Variants in MYO6 observed in about 807,000 individuals in gnomAD.
The protein encoded by MYO6 is unconventional myosin-VI.
MYO6 carries 74 observed loss-of-function variants against 178.7 expected under a neutral mutation model. The observed-to-expected ratio is 0.41, with a 90% CI of 0.34 to 0.50. The LOEUF (loss-of-function observed/expected upper bound fraction) is 0.50. Ranked by LOEUF, MYO6 falls within the 20% of genes least tolerant of loss-of-function variation. MYO6 has a pLI of 0.09. For synonymous variants in MYO6, 477 were observed against 504.6 expected (o/e 0.95, Z 0.73); for missense variants, 1,330 against 1,547.4 (o/e 0.86, Z 2.36).
chr6:75,850,535 A>C (rs1775166647), intron 11 of MYO6, among the ~76,000 whole-genome samples: 1 of 152,210 alleles, frequency 6.6e-6, no homozygotes, highest in African/African-American at 2.4e-5. Flanking sequence ...GAAATTTGTC[A>C]TCTATGAATG....
intron 18 of MYO6, among the ~76,000 whole-genome samples, chr6:75,868,091 G>T (rs1484933495): frequency 6.6e-6 from 1 of 151,838 alleles, no homozygotes; most frequent in African/African-American, 2.4e-5. Flanking sequence ...GAATGTTATG[G>T]TACTGATAAT....
rs907173770 is a variant in MYO6, at chr6:75,866,816, G to A, written c.1771-116G>A. 5 of 1,196,522 alleles carry A rather than the reference G, an allele frequency of 4.2e-6. No individual in the cohort carries two copies. In the South Asian group the frequency reaches 5.1e-5, roughly 12 times the overall value. 74.1% of individuals were successfully genotyped at this position (1,196,522 alleles called of 1,614,324 possible). A position where few individuals can be genotyped will look rare whatever the true frequency, so the allele number is the denominator to read the frequency against. On this transcript the variant is annotated intron_variant, in intron 17 of 34. Transcript: ENST00000369977. ...CACACTGACTAGTGGTGACGGCGTT[G>A]GACAGTGCAGATACAGAACATTTCT...
intron 25 of MYO6, among the ~76,000 whole-genome samples, chr6:75,887,978 C>T (rs553162594): frequency 1.4e-5 from 2 of 141,592 alleles, no homozygotes; most frequent in East Asian, 4.3e-4. Context: ...GACTCCGTCT[C>T]AAAAAAAATA....
intron 33 of MYO6, among the ~76,000 whole-genome samples, chr6:75,912,235 T>G (rs1054948080): frequency 3.3e-5 from 5 of 152,068 alleles, no homozygotes; most frequent in African/African-American, 1.2e-4. Context: ...TTTAAAAGCT[T>G]TGAGTCACCT....
At chr6:75,837,309 A>G (rs902763148) in intron 7 of MYO6, among the ~76,000 whole-genome samples, 19 of 152,236 alleles carry the variant, frequency 1.2e-4, no homozygotes, top group African/African-American at 4.3e-4. Context: ...TGAAGCTCAT[A>G]TAGTTCATCA....
At chr6:75,806,908 A>G (rs189740966) in intron 1 of MYO6, among the ~76,000 whole-genome samples, 136 of 152,068 alleles carry the variant, frequency 8.9e-4, no homozygotes, top group African/African-American at 3.2e-3. Context: ...TCACACCTCT[A>G]TATTTCTGTG....
intron 1 of MYO6, among the ~76,000 whole-genome samples, chr6:75,776,688 G>A (rs574264912): frequency 3.3e-5 from 5 of 151,336 alleles, no homozygotes; most frequent in East Asian, 1.9e-4. Flanking sequence ...GTGTGTATGT[G>A]TTTTGGTAGA....
intron 4 of MYO6, among the ~76,000 whole-genome samples, chr6:75,829,798 T>G (rs1019642964): frequency 1.3e-5 from 2 of 152,202 alleles, no homozygotes; most frequent in African/African-American, 4.8e-5. Context: ...AAGTTGCTCA[T>G]TAAACATTTA....
chr6:75,899,482 C>T (rs1284331863), intron 30 of MYO6, among the ~76,000 whole-genome samples: 1 of 151,804 alleles, frequency 6.6e-6, no homozygotes, highest in Non-Finnish European at 1.5e-5. Context: ...GTAGAAAAGA[C>T]AAATAATATT....
chr6:75,828,591 G>A lies in MYO6; in HGVS notation c.239G>A (p.Arg80Gln), dbSNP rs763519325. 3.2e-6 allele frequency: 5 copies of A among 1,581,776 alleles called. No homozygotes were observed. The highest frequency in any genetic ancestry group is 2.2e-5 in the South Asian group (2 of 90,328). Residue 80 changes from arginine (R) to glutamine (Q), a missense_variant, in exon 4 of 35, where the codon CGA becomes CAA. Arg to Gln is a conservative substitution (Grantham distance 43). Around this residue, in one of 3 missense-constraint regions of MYO6, gnomAD observed 116 missense variants for 104.6 expected, o/e 1.11. Coordinates refer to ENST00000369977, the MANE Select transcript of MYO6 (RefSeq NM_004999.4). ...ACACTGCTCCATAATATCAAAGTTCGATATAGTAAAGACAGAATTTATGTA... is the reference window on the plus strand; with the variant it reads ...ACACTGCTCCATAATATCAAAGTTCAATATAGTAAAGACAGAATTTATGTA... Reference protein sequence around the residue: ...EATLLHNIKVRYSKDRIYTYV... With the variant: ...EATLLHNIKVQYSKDRIYTYV...
At chr6:75,893,344 G>T (rs568028988) in intron 28 of MYO6, among the ~76,000 whole-genome samples, 1 of 152,128 alleles carries the variant, frequency 6.6e-6, no homozygotes, top group Non-Finnish European at 1.5e-5. Context: ...AGTATGTAGA[G>T]GCATTAATTA....
In MYO6 at chr6:75,895,266, T is replaced by G. The variant is rs754435426; in HGVS notation, c.3137+6T>G. Reference sequence around the variant, plus strand: ...ACAAGACCCAAAATGACACCGTATGTCACTTACCTTTACCTTTTTAAAAAT... The same window carrying G: ...ACAAGACCCAAAATGACACCGTATGGCACTTACCTTTACCTTTTTAAAAAT... On this transcript the variant is annotated splice_donor_region_variant and intron_variant, in intron 29 of 34. Transcript: ENST00000369977. 3.1e-6 allele frequency: 5 copies of G among 1,603,906 alleles called. No individual in the cohort carries two copies. Among genetic ancestry groups the G allele is most frequent in the Middle Eastern group, 3.3e-4 (2 of 6,038 alleles).
intron 1 of MYO6, among the ~76,000 whole-genome samples, chr6:75,770,477 G>GGTTT (rs1364980994): frequency 2.5e-4 from 38 of 152,072 alleles, no homozygotes; most frequent in African/African-American, 8.7e-4. Context: ...ACCTCCTTTA[G>GGTTT]GTTTGTTTGT....
chr6:75,893,269 T>C (rs1779047585), intron 28 of MYO6, among the ~76,000 whole-genome samples: 1 of 152,110 alleles, frequency 6.6e-6, no homozygotes, highest in Non-Finnish European at 1.5e-5. Context: ...GTGGAGTGTA[T>C]AGGAATGTGG....
At chr6:75,768,235 A>C (rs1778603318) in intron 1 of MYO6, 1 of 152,184 alleles carries the variant, frequency 6.6e-6, no homozygotes, top group Non-Finnish European at 1.5e-5. Context: ...GAATATTTGG[A>C]TGTTAATAAT....
intron 1 of MYO6, among the ~76,000 whole-genome samples, chr6:75,798,650 A>G (rs1021931159): frequency 6.6e-6 from 1 of 152,254 alleles, no homozygotes; most frequent in Non-Finnish European, 1.5e-5. Flanking sequence ...TGATAAACCC[A>G]TAGCCAACAT....
In MYO6 at chr6:75,805,131, T is replaced by A. The variant is rs151098108; in HGVS notation, c.-47-12370T>A. Among the ~76,000 whole-genome samples the A allele has an allele frequency of 0.013, 1,891 of 149,646 alleles. 68 individuals carry two copies. The East Asian group carries it at 0.14, about 11-fold the overall frequency. ...CCTCTGCCTCGTTGGTTCAAGTGAT[T>A]CTCGTGCCTCAGCCTCCCAAGTAGC... On this transcript the variant is annotated intron_variant, in intron 1 of 34. Coordinates refer to ENST00000369977, the MANE Select transcript of MYO6 (RefSeq NM_004999.4).
At chr6:75,791,152 C>G (rs559588299) in intron 1 of MYO6, among the ~76,000 whole-genome samples, 1 of 152,224 alleles carries the variant, frequency 6.6e-6, no homozygotes, top group South Asian at 2.1e-4. Context: ...CCAGGATGGT[C>G]TTGATCTCCT....
intron 10 of MYO6, among the ~76,000 whole-genome samples, chr6:75,847,372 C>T (rs1583262337): frequency 6.6e-6 from 1 of 152,202 alleles, no homozygotes; most frequent in South Asian, 2.1e-4. Context: ...CTCCAGGAGG[C>T]ATCTTTAATG....
Sources: allele counts gnomAD v4.1 joint callset (sites outside exome capture counted in the v4.1 genomes callset), GRCh38; gene constraint gnomAD v4.1.1; regional missense constraint gnomAD v4.1.1; transcripts MANE v1.5; gene names NCBI Gene and HGNC (gene_info 2026-07-23, HGNC 2026-07-21).